WNT16: variants seen among roughly 807,000 people sequenced by gnomAD.
The protein encoded by WNT16 is protein Wnt-16.
Under a neutral mutation model 35.4 loss-of-function variants are expected in WNT16, and 20 were observed. The ratio of observed to expected loss-of-function variants is 0.56; its 90% CI spans 0.40 to 0.82. WNT16 has a LOEUF of 0.82. Among genes scored for constraint, WNT16 ranks in the 40% least tolerant of loss-of-function variants. The pLI, the probability that WNT16 is intolerant of heterozygous loss-of-function variation, is 0.00. For synonymous variants in WNT16, 180 were observed against 179.2 expected (o/e 1.00, Z -0.03); for missense variants, 461 against 466.0 (o/e 0.99, Z 0.10).
intron 3 of WNT16, among the ~76,000 whole-genome samples, chr7:121,332,240 G>GTC (rs1443518117): frequency 6.6e-6 from 1 of 151,728 alleles, no homozygotes; most frequent in African/African-American, 2.4e-5. Flanking sequence ...AAATATACGT[G>GTC]TGTGTGTGTG....
chr7:121,339,147 G>A lies in WNT16; in HGVS notation c.900G>A (p.Leu300=), dbSNP rs1271935995. ...ACTACTGTGTAGAAGATAAGAAACT[G>A]GGAATCCCAGGGACACAAGGCAGAG... is the stretch of plus-strand genomic sequence containing the variant. The part of the protein sequence containing the change: ...SPNYCVEDKK[L]GIPGTQGREC... The change falls in exon 4 of 4, where the codon CTG becomes CTA. Residue 300 remains leucine, a synonymous_variant. Transcript: ENST00000222462. 1.9e-6 allele frequency: 3 copies of A among 1,614,060 alleles called. No individual in the cohort carries two copies. In the African/African-American group the frequency reaches 4.0e-5, roughly 22 times the overall value.
At chr7:121,328,969 A>T (rs1483081541), upstream of WNT16, 1 of 1,047,044 alleles carries the variant, frequency 9.6e-7, no homozygotes, top group Non-Finnish European at 1.2e-6. Context: ...ATGGGAGGAG[A>T]GGCCGGGGGC....
Position 121,339,299 on chromosome 7 carries a change from G to C in WNT16, c.1052G>C (p.Arg351Pro). The change falls in exon 4 of 4, where the codon CGT (arginine) becomes CCT (proline). Residue 351 changes from arginine to proline, a missense_variant. Transcript: ENST00000222462. Reference protein sequence around the residue: ...ECKFIWCCYVRCRRCESMTDV... With the variant: ...ECKFIWCCYVPCRRCESMTDV... Reference sequence around the variant, plus strand: ...AAGTTCATCTGGTGCTGCTATGTCCGTTGCAGGAGGTGTGAAAGCATGACT... The same window carrying C: ...AAGTTCATCTGGTGCTGCTATGTCCCTTGCAGGAGGTGTGAAAGCATGACT... 1 of 1,613,906 alleles carries C rather than the reference G, an allele frequency of 6.2e-7. No individual in the cohort carries two copies. Among genetic ancestry groups the C allele is most frequent in the South Asian group, 1.1e-5 (1 of 91,074 alleles).
chr7:121,331,559 C>A (rs1016167088), intron 2 of WNT16, 119 bp from the exon 3 acceptor site: 1 of 835,782 alleles, frequency 1.2e-6, no homozygotes, highest in Non-Finnish European at 1.8e-6. Context: ...CTCGTTAACG[C>A]ATCCATTGTA....
chr7:121,339,834 G>T lies in WNT16; in HGVS notation c.*489G>T, dbSNP rs1793504853. 6 of 187,008 alleles carry T rather than the reference G, an allele frequency of 3.2e-5. No homozygotes were observed. The highest frequency in any genetic ancestry group is 5.5e-5 in the Non-Finnish European group (5 of 91,252). The allele number at this position is 187,008 out of a possible 1,614,324, so 11.6% of individuals were successfully genotyped here. A position where few individuals can be genotyped will look rare whatever the true frequency, so the allele number is the denominator to read the frequency against. On this transcript the variant is annotated 3_prime_UTR_variant, in exon 4 of 4. Transcript: ENST00000222462. ...GTATTTTAACTGAAGAAATTATACT[G>T]TTTGTGTGTGGATAGAAGATGTTGA... is the stretch of plus-strand genomic sequence containing the variant.
intron 3 of WNT16, among the ~76,000 whole-genome samples, chr7:121,336,270 T>C (rs959830041): frequency 1.1e-4 from 17 of 152,012 alleles, no homozygotes; most frequent in Non-Finnish European, 2.2e-4. Flanking sequence ...AGAATATGTA[T>C]ATACCTCTAT....
chr7:121,333,769 C>T lies in WNT16; in HGVS notation c.633+1805C>T, dbSNP rs528508575. 2.6e-5 allele frequency among the ~76,000 whole-genome samples: 4 copies of T among 151,908 alleles called. No individual in the cohort carries two copies. The East Asian group carries it at 7.7e-4, about 29-fold the overall frequency. On this transcript the variant is annotated intron_variant, in intron 3 of 3. Coordinates refer to ENST00000222462, the MANE Select transcript of WNT16 (RefSeq NM_057168.2). The stretch of plus-strand genomic sequence containing the variant: ...TGTTTGTTATCAACAGACCTTAAAT[C>T]TTCTTTGGCCATTCTTTAAGTAAAT...
intron 3 of WNT16, 139 bp from the exon 4 acceptor site, chr7:121,338,742 G>A (rs1793478709): frequency 1.3e-6 from 1 of 784,096 alleles, no homozygotes; most frequent in African/African-American, 1.8e-5. Flanking sequence ...CAATTTTAAA[G>A]ATTATTTACG....
intron 3 of WNT16, among the ~76,000 whole-genome samples, chr7:121,337,457 T>A (rs1174802202): frequency 6.6e-6 from 1 of 152,240 alleles, no homozygotes; most frequent in Non-Finnish European, 1.5e-5. Context: ...ATTGTTTTCA[T>A]AAGAATTGTA....
chr7:121,329,873 CG>C (rs1173077274), intron 2 of WNT16, 56 bp downstream of exon 2: 7 of 1,577,644 alleles, frequency 4.4e-6, no homozygotes, highest in Non-Finnish European at 5.1e-6. Context: ...ACTCCTCCAC[CG>C]GTTCCTGCAA....
At chr7:121,325,722 A>G (rs1421047363), upstream of WNT16, among the ~76,000 whole-genome samples, 1 of 151,996 alleles carries the variant, frequency 6.6e-6, no homozygotes, top group African/African-American at 2.4e-5. Context: ...TGAATTAGGC[A>G]TGCAGAAGTA....
intron 3 of WNT16, among the ~76,000 whole-genome samples, chr7:121,335,489 C>A (rs766699385): frequency 5.3e-5 from 8 of 152,016 alleles, no homozygotes; most frequent in Admixed American, 1.3e-4. Context: ...ACAAAACATT[C>A]CTCTGTTAAT....
rs547580073 is a variant in WNT16, at chr7:121,331,798, G to A, written c.467G>A (p.Gly156Asp). The A allele has an allele frequency of 6.2e-7, 1 of 1,614,198 alleles. No individual in the cohort carries two copies. The highest frequency in any genetic ancestry group is 2.2e-5 in the East Asian group (1 of 44,884). ...ECSCDTTLQN[G>D]GSASEGWHWG... ...TCCTGTGACACCACCTTGCAGAACG[G>A]CGGCTCAGCAAGTGAAGGCTGGCAC... The change falls in exon 3 of 4, where the codon GGC becomes GAC. Residue 156 changes from glycine to aspartate, a missense_variant. Coordinates refer to ENST00000222462, the MANE Select transcript of WNT16 (RefSeq NM_057168.2).
chr7:121,336,339 T>C (rs1290587614), intron 3 of WNT16, among the ~76,000 whole-genome samples: 1 of 152,016 alleles, frequency 6.6e-6, no homozygotes, highest in African/African-American at 2.4e-5. Context: ...TTATTTCTTT[T>C]ATTATGTTTA....
At chr7:121,327,934 G>A (rs999046432), upstream of WNT16, among the ~76,000 whole-genome samples, 10 of 151,996 alleles carry the variant, frequency 6.6e-5, no homozygotes, top group African/African-American at 2.2e-4. Context: ...AACTATCTTC[G>A]GCTCCAGGGA....
intron 3 of WNT16, among the ~76,000 whole-genome samples, chr7:121,332,588 G>C (rs1240480310): frequency 6.6e-6 from 1 of 151,996 alleles, no homozygotes; most frequent in Non-Finnish European, 1.5e-5. Context: ...GTGGGCAATG[G>C]CTCCTAAACA....
upstream of WNT16, among the ~76,000 whole-genome samples, chr7:121,328,331 G>C (rs1324856958): frequency 6.6e-6 from 1 of 152,136 alleles, no homozygotes; most frequent in African/African-American, 2.4e-5. Flanking sequence ...TCTTCTGCAG[G>C]GGACTTACAG....
In WNT16 at chr7:121,340,742, A is replaced by C. The variant is rs1301614693; in HGVS notation, c.*1397A>C. 1 of 152,428 alleles carries C rather than the reference A, an allele frequency of 6.6e-6. No homozygotes were observed. Among genetic ancestry groups the C allele is most frequent in the African/African-American group, 2.4e-5 (1 of 41,414 alleles). The allele number at this position is 152,428 out of a possible 1,614,324, so 9.4% of individuals were successfully genotyped here. On this transcript the variant is annotated 3_prime_UTR_variant, in exon 4 of 4. Transcript: ENST00000222462. ...ATGCTGCATTTCTATTTGAATGTTAAGTGGTCTTTCTTGTTTTTAATATTC... is the reference window on the plus strand; with the variant it reads ...ATGCTGCATTTCTATTTGAATGTTACGTGGTCTTTCTTGTTTTTAATATTC...
Position 121,340,614 on chromosome 7 carries a change from ATAAAT to A in WNT16, c.*1272_*1276del, listed in dbSNP as rs1369238470. The A allele has an allele frequency of 6.6e-6, 1 of 152,132 alleles. No individual in the cohort carries two copies. The highest frequency in any genetic ancestry group is 6.5e-5 in the Admixed American group (1 of 15,270). The allele number at this position is 152,132 out of a possible 1,614,324, so 9.4% of individuals were successfully genotyped here. A position where few individuals can be genotyped will look rare whatever the true frequency, so the allele number is the denominator to read the frequency against. The stretch of plus-strand genomic sequence containing the variant: ...ATGCTTAACTCATAAGGTTATTATA[ATAAAT>A]TATATTAGTAAAAGTCTTAACTGGA... On this transcript the variant is annotated 3_prime_UTR_variant, in exon 4 of 4. Transcript: ENST00000222462.
Sources: gnomAD v4.1 joint callset for allele counts (sites outside exome capture counted in the v4.1 genomes callset) on GRCh38, gnomAD v4.1.1 for gene constraint, MANE v1.5 for transcripts, NCBI Gene and HGNC (gene_info 2026-07-23, HGNC 2026-07-21) for gene names.